The following ZNF407 variants were observed in gnomAD, a reference collection of about 807,000 sequenced individuals.
ZNF407 encodes zinc finger protein 407.
ZNF407 carries 17 observed loss-of-function variants against 131.2 expected under a neutral mutation model. The ratio of observed to expected loss-of-function variants is 0.13; its 90% CI spans 0.09 to 0.19. ZNF407 has a LOEUF of 0.19. Among genes scored for constraint, ZNF407 ranks in the 10% least tolerant of loss-of-function variants. The pLI is 1.00. For missense variants in ZNF407, 2,681 were observed against 2,830.6 expected, an observed-to-expected ratio of 0.95 and a Z score of 1.20; for synonymous variants, 1,156 against 1,062.0, an observed-to-expected ratio of 1.09 and a Z score of -1.72.
At chr18:74,991,812 G>T (rs2122138790) in intron 8 of ZNF407, among the ~76,000 whole-genome samples, 1 of 152,280 alleles carries the variant, frequency 6.6e-6, no homozygotes, top group East Asian at 1.9e-4. Flanking sequence ...GAAAACTAAT[G>T]TTCAGCCAAG....
intron 3 of ZNF407, among the ~76,000 whole-genome samples, chr18:74,770,204 C>A (rs143942157): frequency 6.6e-6 from 1 of 152,144 alleles, no homozygotes. Context: ...AGTTTGAGAC[C>A]AGCTTGGACA....
At chr18:75,051,713 T>C (rs978317993) in intron 8 of ZNF407, among the ~76,000 whole-genome samples, 4 of 152,242 alleles carry the variant, frequency 2.6e-5, no homozygotes, top group Non-Finnish European at 5.9e-5. Context: ...TCTTAAAGAA[T>C]TAACAAGTGT....
intron 8 of ZNF407, among the ~76,000 whole-genome samples, chr18:75,000,380 A>AT (rs1295294301): frequency 6.6e-6 from 1 of 152,240 alleles, no homozygotes; most frequent in Non-Finnish European, 1.5e-5. Context: ...ATATACTAAT[A>AT]TTATAATTGC....
intron 4 of ZNF407, among the ~76,000 whole-genome samples, chr18:74,848,666 T>C (rs975107193): frequency 3.3e-5 from 5 of 152,196 alleles, no homozygotes; most frequent in East Asian, 1.9e-4. Flanking sequence ...ACACTGATCA[T>C]TGGAGACACA....
chr18:74,862,459 G>C (rs1970950783), intron 4 of ZNF407, among the ~76,000 whole-genome samples: 1 of 152,216 alleles, frequency 6.6e-6, no homozygotes, highest in Non-Finnish European at 1.5e-5. Flanking sequence ...ATGAAACCCT[G>C]ATGTTAACCT....
At chr18:75,027,652 AT>A (rs1178252920) in intron 8 of ZNF407, among the ~76,000 whole-genome samples, 1 of 152,142 alleles carries the variant, frequency 6.6e-6, no homozygotes, top group East Asian at 1.9e-4. Flanking sequence ...TAATTCTCTG[AT>A]TTGGGGCAAA....
chr18:75,020,471 G>C (rs1973096980), intron 8 of ZNF407, among the ~76,000 whole-genome samples: 2 of 152,238 alleles, frequency 1.3e-5, no homozygotes, highest in South Asian at 4.1e-4. Flanking sequence ...GATTGTATGT[G>C]ATGACCAATA....
At chr18:74,808,450 G>A (rs530209794) in intron 4 of ZNF407, among the ~76,000 whole-genome samples, 2 of 152,266 alleles carry the variant, frequency 1.3e-5, no homozygotes, top group South Asian at 4.1e-4. Flanking sequence ...TAATTATTAA[G>A]CATAAAATGT....
chr18:74,622,297 T>C (rs1380691200), intron 1 of ZNF407, among the ~76,000 whole-genome samples: 1 of 152,162 alleles, frequency 6.6e-6, no homozygotes, highest in African/African-American at 2.4e-5. Context: ...GCAAGACACA[T>C]TTTCAACAGG....
At chr18:74,716,440 A>T (rs1218621336) in intron 3 of ZNF407, among the ~76,000 whole-genome samples, 1 of 152,186 alleles carries the variant, frequency 6.6e-6, no homozygotes, top group African/African-American at 2.4e-5. Flanking sequence ...TTATTTATTA[A>T]TGGAGGCGGG....
chr18:75,013,969 A>T (rs940565801), intron 8 of ZNF407, among the ~76,000 whole-genome samples: 2 of 152,092 alleles, frequency 1.3e-5, no homozygotes, highest in African/African-American at 4.8e-5. Context: ...TCTGTCACCA[A>T]AAAGTCTTAA....
intron 4 of ZNF407, among the ~76,000 whole-genome samples, chr18:74,834,623 A>G (rs1197242807): frequency 6.6e-6 from 1 of 152,228 alleles, no homozygotes; most frequent in Non-Finnish European, 1.5e-5. Context: ...TCATACATGG[A>G]AACTTCTGGA....
chr18:74,855,121 TA>T, intron 4 of ZNF407, among the ~76,000 whole-genome samples: 1 of 152,214 alleles, frequency 6.6e-6, no homozygotes, highest in East Asian at 1.9e-4. Context: ...AAGTTGTGCT[TA>T]GTTTCACTGA....
chr18:74,996,505 T>C (rs192371376), intron 8 of ZNF407, among the ~76,000 whole-genome samples: 2 of 152,314 alleles, frequency 1.3e-5, no homozygotes, highest in East Asian at 3.9e-4. Context: ...CGGCAATAAG[T>C]GTTTAATAGT....
intron 3 of ZNF407, among the ~76,000 whole-genome samples, chr18:74,755,582 G>GTTTTTTTTTTTT (rs541126314): frequency 1.1e-5 from 1 of 87,360 alleles, no homozygotes; most frequent in African/African-American, 5.7e-5. Flanking sequence ...CTCCTTTCTG[G>GTTTTTTTTTTTT]TTTTTTTTTT....
Position 74,632,281 on chromosome 18 carries a change from T to G in ZNF407, c.1262T>G (p.Leu421Arg). Residue 421 changes from leucine to arginine, a missense_variant, in exon 2 of 9, where the codon CTC (leucine) becomes CGC (arginine). By Grantham distance (102) the Leu-to-Arg change is moderately radical. Around this residue, in one of 6 missense-constraint regions of ZNF407, gnomAD observed 1,789 missense variants for 1,748.7 expected, o/e 1.02. Transcript: ENST00000299687. ...AGGCCAAGACCTGAGCGAAATATTC[T>G]CGTGTTGGGTAATAGCTTTCGTCGA... ...TSRPRPERNI[L>R]VLGNSFRRRS... 6.2e-7 allele frequency: 1 copy of G among 1,613,928 alleles called. No individual in the cohort carries two copies. Among genetic ancestry groups the G allele is most frequent in the Non-Finnish European group, 8.5e-7 (1 of 1,179,892 alleles).
At chr18:75,015,581 CAT>C (rs34475257) in intron 8 of ZNF407, among the ~76,000 whole-genome samples, 6,335 of 145,038 alleles carry the variant, frequency 0.044, 260 homozygotes, top group African/African-American at 0.11. Flanking sequence ...TATATATTTA[CAT>C]ATATATATAT....
intron 1 of ZNF407, among the ~76,000 whole-genome samples, chr18:74,604,368 A>C (rs1414180505): frequency 9.2e-6 from 1 of 108,506 alleles, no homozygotes; most frequent in African/African-American, 2.7e-5. Context: ...TGCTATGTCC[A>C]CCAGGGGTCT....
At chr18:74,666,964 C>T (rs564316913) in intron 3 of ZNF407, among the ~76,000 whole-genome samples, 199 of 152,194 alleles carry the variant, frequency 1.3e-3, no homozygotes, top group African/African-American at 4.6e-3. Context: ...GGCAGTTGTC[C>T]GCCCCGCCTT....
Sources: gnomAD v4.1 joint callset for allele counts (sites outside exome capture counted in the v4.1 genomes callset) on GRCh38, gnomAD v4.1.1 for gene constraint, gnomAD v4.1.1 regional missense constraint, MANE v1.5 for transcripts, NCBI Gene and HGNC (gene_info 2026-07-23, HGNC 2026-07-21) for gene names.